KCNB2: variants seen among roughly 807,000 people sequenced by gnomAD.
KCNB2 encodes potassium voltage-gated channel subfamily B member 2, also known as delayed rectifier potassium channel protein.
In KCNB2, 15 loss-of-function variants were observed where a neutral mutation model predicts 61.5. That is an observed-to-expected ratio of 0.24 (90% CI 0.16 to 0.38). The LOEUF (loss-of-function observed/expected upper bound fraction) is 0.38, where lower values mean the gene tolerates loss of function less well. Ranked by LOEUF, KCNB2 falls within the 10% of genes least tolerant of loss-of-function variation. KCNB2 has a pLI of 1.00. For synonymous variants in KCNB2, 457 were observed against 446.0 expected (o/e 1.02, Z -0.31); for missense variants, 828 against 1,125.2 (o/e 0.74, Z 3.78).
chr8:72,777,564 C>G (rs904676504), intron 2 of KCNB2, among the ~76,000 whole-genome samples: 4 of 152,132 alleles, frequency 2.6e-5, no homozygotes, highest in Non-Finnish European at 5.9e-5. Flanking sequence ...AAAGTATTGT[C>G]CCAGTTAATT....
intron 2 of KCNB2, among the ~76,000 whole-genome samples, chr8:72,602,338 A>G (rs1350702182): frequency 6.6e-6 from 1 of 152,176 alleles, no homozygotes; most frequent in Non-Finnish European, 1.5e-5. Flanking sequence ...GCATGATAAA[A>G]TCAGTAAGTA....
chr8:72,652,422 C>G (rs1405805598), intron 2 of KCNB2, among the ~76,000 whole-genome samples: 1 of 152,048 alleles, frequency 6.6e-6, no homozygotes, highest in Non-Finnish European at 1.5e-5. Flanking sequence ...TCTTGCCCTC[C>G]TGCCACAGCC....
At chr8:72,655,222 A>T (rs1806272543) in intron 2 of KCNB2, among the ~76,000 whole-genome samples, 1 of 152,226 alleles carries the variant, frequency 6.6e-6, no homozygotes, top group Admixed American at 6.5e-5. Context: ...ACATATTCTC[A>T]CTTATAAGTG....
chr8:72,561,783 A>ACG (rs1563523667), intron 1 of KCNB2, among the ~76,000 whole-genome samples: 8 of 70,774 alleles, frequency 1.1e-4, no homozygotes, highest in African/African-American at 8.7e-4. Flanking sequence ...ATATGGATAT[A>ACG]TATATACATA....
chr8:72,791,021 GA>G (rs1396346249), intron 2 of KCNB2, among the ~76,000 whole-genome samples: 2 of 152,252 alleles, frequency 1.3e-5, no homozygotes, highest in African/African-American at 4.8e-5. Flanking sequence ...CTGGCTTGGG[GA>G]AAAAACAGTC....
At position 72,567,801 on chromosome 8, in the gene KCNB2, G is replaced by A; in HGVS notation, c.67G>A (p.Glu23Lys). 1 of 1,612,344 alleles carries A rather than the reference G, an allele frequency of 6.2e-7. No homozygotes were observed. Residue 23 changes from glutamate (E) to lysine (K), a missense_variant, in exon 2 of 3, where the codon GAG (glutamate) becomes AAG (lysine). Coordinates refer to ENST00000523207, the MANE Select transcript of KCNB2 (RefSeq NM_004770.3). ...AAGGTCGACACTTTCCCTTCCTCCA[G>A]AGCCTGTGGACATTATCCGGAGCAA... ...TSRSTLSLPP[E>K]PVDIIRSKTC...
chr8:72,927,511 C>A (rs1806675518), intron 2 of KCNB2, among the ~76,000 whole-genome samples: 1 of 152,030 alleles, frequency 6.6e-6, no homozygotes, highest in Admixed American at 6.6e-5. Context: ...CCACAGATGA[C>A]CCACCGGACT....
intron 2 of KCNB2, among the ~76,000 whole-genome samples, chr8:72,830,227 CAAAAAAAAAAAAA>C (rs543474001): frequency 2.4e-5 from 2 of 83,426 alleles, no homozygotes; most frequent in Non-Finnish European, 4.6e-5. Context: ...TCATATTTTC[CAAAAAAAAAAAAA>C]AAAAAAAAAA....
chr8:72,693,404 T>C (rs1806969971), intron 2 of KCNB2, among the ~76,000 whole-genome samples: 1 of 152,170 alleles, frequency 6.6e-6, no homozygotes, highest in Admixed American at 6.5e-5. Flanking sequence ...TGATGTGAAG[T>C]TCTGTCCTTC....
chr8:72,806,583 C>G (rs1203848492), intron 2 of KCNB2, among the ~76,000 whole-genome samples: 1 of 151,588 alleles, frequency 6.6e-6, no homozygotes, highest in Non-Finnish European at 1.5e-5. Context: ...CCACTGCACT[C>G]CAGCCTGGGC....
intron 2 of KCNB2, among the ~76,000 whole-genome samples, chr8:72,746,071 A>G (rs1249469819): frequency 6.6e-6 from 1 of 152,200 alleles, no homozygotes; most frequent in Non-Finnish European, 1.5e-5. Flanking sequence ...TTGCTTGAGT[A>G]TTGCAGAAGC....
chr8:72,762,807 G>A (rs557302696), intron 2 of KCNB2, among the ~76,000 whole-genome samples: 1 of 150,944 alleles, frequency 6.6e-6, no homozygotes, highest in African/African-American at 2.4e-5. Context: ...CTCCATTTGA[G>A]CACTGAAAAG....
chr8:72,565,873 C>T (rs556202969), intron 1 of KCNB2, among the ~76,000 whole-genome samples: 1 of 152,226 alleles, frequency 6.6e-6, no homozygotes, highest in South Asian at 2.1e-4. Context: ...TGTATAAGCA[C>T]TGTGCTTGGT....
chr8:72,846,065 C>T (rs1809986561), intron 2 of KCNB2, among the ~76,000 whole-genome samples: 1 of 151,862 alleles, frequency 6.6e-6, no homozygotes, highest in South Asian at 2.1e-4. Flanking sequence ...AAACCCAGGA[C>T]CTTGGTGGTG....
intron 2 of KCNB2, among the ~76,000 whole-genome samples, chr8:72,684,070 G>T (rs1806807823): frequency 6.6e-6 from 1 of 152,190 alleles, no homozygotes; most frequent in Non-Finnish European, 1.5e-5. Context: ...TAATCAGTTA[G>T]AATAAATGGT....
At chr8:72,886,793 G>A (rs1258258626) in intron 2 of KCNB2, among the ~76,000 whole-genome samples, 1 of 152,244 alleles carries the variant, frequency 6.6e-6, no homozygotes, top group Non-Finnish European at 1.5e-5. Context: ...CATCGCAGTG[G>A]CAGCTGGCAC....
chr8:72,576,510 G>A (rs1381553223), intron 2 of KCNB2, among the ~76,000 whole-genome samples: 2 of 152,108 alleles, frequency 1.3e-5, no homozygotes, highest in Non-Finnish European at 2.9e-5. Flanking sequence ...TCTAAGAGGT[G>A]GTAGAAGCTT....
At chr8:72,597,404 G>A (rs1329006390) in intron 2 of KCNB2, among the ~76,000 whole-genome samples, 2 of 152,192 alleles carry the variant, frequency 1.3e-5, no homozygotes, top group Non-Finnish European at 2.9e-5. Flanking sequence ...GGAGTCTACA[G>A]CTTTTGGTTT....
Position 72,553,087 on chromosome 8 carries a change from A to AC in KCNB2, c.-93-14553dup, listed in dbSNP as rs1432184447. Among the ~76,000 whole-genome samples the AC allele has an allele frequency of 2.0e-5, 3 of 152,280 alleles. No homozygotes were observed. The East Asian group carries it at 5.8e-4, about 29-fold the overall frequency. On this transcript the variant is annotated intron_variant, in intron 1 of 2. Transcript: ENST00000523207. ...AAAAAAATTTAAAAAAAACACACAG[A>AC]CCAAAATACAGTTCAAATCATTAGC...
Sources: allele counts gnomAD v4.1 joint callset (sites outside exome capture counted in the v4.1 genomes callset), GRCh38; gene constraint gnomAD v4.1.1; transcripts MANE v1.5; gene names NCBI Gene and HGNC (gene_info 2026-07-23, HGNC 2026-07-21).